The following DCTN5 variants were observed in gnomAD, a reference collection of about 807,000 sequenced individuals.
DCTN5 encodes the protein dynactin 4.
DCTN5 carries 14 observed loss-of-function variants against 23.5 expected under a neutral mutation model. The ratio of observed to expected loss-of-function variants is 0.60; its 90% confidence interval spans 0.39 to 0.93. DCTN5 has a LOEUF of 0.93. DCTN5 is among the 40% of genes least tolerant of loss of function. DCTN5 has a pLI of 0.00. For missense variants in DCTN5, 156 were observed against 225.9 expected (o/e 0.69, Z 1.98); for synonymous variants, 67 against 79.6 (o/e 0.84, Z 0.84).
At chr16:23,654,792 C>T (rs925443000) in intron 2 of DCTN5, among the ~76,000 whole-genome samples, 15 of 152,138 alleles carry the variant, frequency 9.9e-5, no homozygotes. Flanking sequence ...AACCAACAGT[C>T]TACTCTCTGT....
At chr16:23,652,446 C>A (rs72776150) in intron 2 of DCTN5, among the ~76,000 whole-genome samples, 1 of 152,178 alleles carries the variant, frequency 6.6e-6, no homozygotes, top group Non-Finnish European at 1.5e-5. Flanking sequence ...CATATAGATT[C>A]TCTTCCTTCT....
At position 23,669,979 on chromosome 16, in the gene DCTN5, A is replaced by G. The variant is rs1470125291; in HGVS notation, c.*2835A>G. 6.6e-6 allele frequency: 1 copy of G among 152,152 alleles called. No individual in the cohort carries two copies. The highest frequency in any genetic ancestry group is 1.5e-5 in the Non-Finnish European group (1 of 68,034). 9.4% of individuals were successfully genotyped at this position (152,152 alleles called of 1,614,324 possible). The stretch of plus-strand genomic sequence containing the variant: ...ACCTTACCGAGGCGCCCTTATCAAT[A>G]GAGTTTTAGTTATGTACCTGTGTTC... On this transcript the variant is annotated 3_prime_UTR_variant, in exon 6 of 6. Coordinates refer to ENST00000300087, the MANE Select transcript of DCTN5 (RefSeq NM_032486.4).
At chr16:23,654,894 C>T (rs1309603860) in intron 2 of DCTN5, among the ~76,000 whole-genome samples, 2 of 152,260 alleles carry the variant, frequency 1.3e-5, no homozygotes, top group South Asian at 2.1e-4. Flanking sequence ...ATATAGTAAC[C>T]TCCAGTTCCA....
chr16:23,664,237 T>G (rs546203623), intron 4 of DCTN5, among the ~76,000 whole-genome samples: 59 of 152,272 alleles, frequency 3.9e-4, no homozygotes, highest in Non-Finnish European at 7.6e-4. Flanking sequence ...GAGCTAAAGA[T>G]GTTGCTGAGT....
intron 2 of DCTN5, among the ~76,000 whole-genome samples, chr16:23,643,265 CG>C (rs1209321044): frequency 6.6e-6 from 1 of 151,542 alleles, no homozygotes; most frequent in Non-Finnish European, 1.5e-5. Context: ...CATCTCAGGT[CG>C]CTGCAACCTC....
Position 23,672,192 on chromosome 16 carries a change from G to A in DCTN5, c.*5048G>A, listed in dbSNP as rs879872827. ...CTGTGAGAGACTCTGAGCTTCCTGG[G>A]AACAGGTATAGGTTCTTTTTATTTC... On this transcript the variant is annotated 3_prime_UTR_variant, in exon 6 of 6. Coordinates refer to ENST00000300087, the MANE Select transcript of DCTN5 (RefSeq NM_032486.4). The A allele has an allele frequency of 2.0e-5, 3 of 152,176 alleles. No individual in the cohort carries two copies. Among genetic ancestry groups the A allele is most frequent in the Admixed American group, 6.5e-5 (1 of 15,276 alleles). The allele number at this position is 152,176 out of a possible 1,614,324, so 9.4% of individuals were successfully genotyped here.
chr16:23,648,933 C>G (rs966500548), intron 2 of DCTN5, among the ~76,000 whole-genome samples: 1 of 152,160 alleles, frequency 6.6e-6, no homozygotes, highest in African/African-American at 2.4e-5. Context: ...TGTCAGCTCA[C>G]TGCAACCTCT....
Position 23,658,416 on chromosome 16 carries a change from A to G in DCTN5, c.118-91A>G, listed in dbSNP as rs962627467. 39 of 835,864 alleles carry G rather than the reference A, an allele frequency of 4.7e-5. No individual in the cohort carries two copies. The East Asian group carries it at 7.3e-4, about 16-fold the overall frequency. 51.8% of individuals were successfully genotyped at this position (835,864 alleles called of 1,614,324 possible). A position where few individuals can be genotyped will look rare whatever the true frequency, so the allele number is the denominator to read the frequency against. On this transcript the variant is annotated intron_variant, in intron 2 of 5. Transcript: ENST00000300087. Reference sequence around the variant, plus strand: ...ACATTCTGTCAGAGTGGATTGTAACATAACTCAGAATCAGTATCTCGTTAT... The same window carrying G: ...ACATTCTGTCAGAGTGGATTGTAACGTAACTCAGAATCAGTATCTCGTTAT...
chr16:23,665,521 G>A, intron 4 of DCTN5, 105 bp from the exon 5 acceptor site: 1 of 1,087,752 alleles, frequency 9.2e-7, no homozygotes, highest in Non-Finnish European at 1.3e-6. Context: ...CAACCCTCTT[G>A]TCACCGTCCC....
At position 23,659,806 on chromosome 16, in the gene DCTN5, G is replaced by A. The variant is rs1967778430; in HGVS notation, c.236+1181G>A. ...CATGATTAGCTTTGAAGGCTACTAG[G>A]GGAAAACCAGAAAACCTCCTGGTAC... On this transcript the variant is annotated intron_variant, in intron 3 of 5. Transcript: ENST00000300087. Among the ~76,000 whole-genome samples the A allele has an allele frequency of 1.3e-5, 2 of 152,108 alleles. 1 individual carries two copies. The highest frequency in any genetic ancestry group is 6.3e-3 in the Middle Eastern group (2 of 316).
intron 2 of DCTN5, among the ~76,000 whole-genome samples, chr16:23,657,250 G>T (rs1458955761): frequency 6.6e-6 from 1 of 152,170 alleles, no homozygotes; most frequent in Non-Finnish European, 1.5e-5. Flanking sequence ...GAGCCTAGGG[G>T]TTCAAGACCA....
chr16:23,645,097 A>C (rs1483621477), intron 2 of DCTN5, among the ~76,000 whole-genome samples: 2 of 16,750 alleles, frequency 1.2e-4, no homozygotes, highest in South Asian at 2.8e-3. Flanking sequence ...ATATATATAT[A>C]TATATATATA....
chr16:23,661,747 T>TAAATAAAC (rs1427880063), intron 4 of DCTN5, among the ~76,000 whole-genome samples: 1 of 151,378 alleles, frequency 6.6e-6, no homozygotes, highest in Non-Finnish European at 1.5e-5. Context: ...AATAAATAAA[T>TAAATAAAC]AAATAAAAAG....
intron 4 of DCTN5, 99 bp from the exon 5 acceptor site, chr16:23,665,527 G>A (rs139923573): frequency 2.2e-5 from 25 of 1,143,084 alleles, no homozygotes; most frequent in South Asian, 6.3e-5. Context: ...TCTTGTCACC[G>A]TCCCTGGCTA....
intron 2 of DCTN5, among the ~76,000 whole-genome samples, chr16:23,645,256 T>C (rs1393906812): frequency 6.7e-6 from 1 of 149,258 alleles, no homozygotes; most frequent in Non-Finnish European, 1.5e-5. Flanking sequence ...TGCCTCAGAC[T>C]CCCCAGTTAC....
intron 2 of DCTN5, among the ~76,000 whole-genome samples, chr16:23,643,227 T>C (rs565711839): frequency 6.6e-6 from 1 of 152,160 alleles, no homozygotes; most frequent in African/African-American, 2.4e-5. Context: ...AGTCTCACTC[T>C]GTCGCCCAGG....
At chr16:23,648,794 T>C (rs1283025837) in intron 2 of DCTN5, among the ~76,000 whole-genome samples, 1 of 152,212 alleles carries the variant, frequency 6.6e-6, no homozygotes, top group South Asian at 2.1e-4. Context: ...ATAAGCATCC[T>C]AAACTGCGGT....
intron 2 of DCTN5, among the ~76,000 whole-genome samples, chr16:23,647,680 G>A (rs1967498910): frequency 6.6e-6 from 1 of 151,446 alleles, no homozygotes; most frequent in South Asian, 2.1e-4. Context: ...GCTAATTTTT[G>A]TATTTTTAGT....
At position 23,665,749 on chromosome 16, in the gene DCTN5, A is replaced by C. The variant is rs1967894821; in HGVS notation, c.451+21A>C. On this transcript the variant is annotated intron_variant, in intron 5 of 5. Transcript: ENST00000300087. ...CCCAGGTAACCTTGGCTGTTGATTAATTTTATTTTAACTTCCTAAAACTCA... is the reference window on the plus strand; with the variant it reads ...CCCAGGTAACCTTGGCTGTTGATTACTTTTATTTTAACTTCCTAAAACTCA... The C allele has an allele frequency of 2.5e-6, 4 of 1,590,498 alleles. No individual in the cohort carries two copies. The African/African-American group carries it at 4.0e-5, about 16-fold the overall frequency.
Sources: allele counts gnomAD v4.1 joint callset (sites outside exome capture counted in the v4.1 genomes callset), GRCh38; gene constraint gnomAD v4.1.1; transcripts MANE v1.5; gene names NCBI Gene and HGNC (gene_info 2026-07-23, HGNC 2026-07-21).